Variants in APOLD1 observed in about 807,000 individuals in gnomAD.
APOLD1 encodes apolipoprotein L domain-containing protein 1.
APOLD1 carries 22 observed loss-of-function variants against 15.3 expected under a neutral mutation model. The ratio of observed to expected loss-of-function variants is 1.44; its 90% confidence interval spans 1.03 to 2.05. The LOEUF (loss-of-function observed/expected upper bound fraction) is 2.05, where lower values mean the gene tolerates loss of function less well. Among genes scored for constraint, APOLD1 ranks in the 30% most tolerant of loss-of-function variants. APOLD1 has a pLI of 0.00. For missense variants in APOLD1, 394 were observed against 353.5 expected (o/e 1.11, Z -0.92); for synonymous variants, 190 against 167.4 (o/e 1.13, Z -1.04).
intron 1 of APOLD1, among the ~76,000 whole-genome samples, chr12:12,730,224 A>G (rs1946628017): frequency 6.6e-6 from 1 of 152,016 alleles, no homozygotes; most frequent in African/African-American, 2.4e-5. Context: ...CACTGGAAAA[A>G]TTTAAAGTTC....
intron 1 of APOLD1, among the ~76,000 whole-genome samples, chr12:12,726,756 G>T (rs1321413137): frequency 6.6e-6 from 1 of 152,022 alleles, no homozygotes; most frequent in Non-Finnish European, 1.5e-5. Context: ...GTCCATGAAA[G>T]ACCATAAACC....
intron 1 of APOLD1, chr12:12,764,578 C>T: frequency 3.2e-6 from 1 of 308,058 alleles, no homozygotes; most frequent in Non-Finnish European, 6.6e-6. Context: ...TTATTTCTAA[C>T]TTTCTATATT....
chr12:12,786,881 G>A, intron 1 of APOLD1, 28 bp from the exon 2 acceptor site: 1 of 1,403,810 alleles, frequency 7.1e-7, no homozygotes, highest in Non-Finnish European at 9.2e-7. Context: ...GGAGACTCCA[G>A]GCTGACCGCG....
chr12:12,725,981 G>A, exon 1 of APOLD1: 2 of 1,488,158 alleles, frequency 1.3e-6, no homozygotes, highest in Admixed American at 2.4e-5. Flanking sequence ...GGACAGAGAT[G>A]TAACCCAACT....
intron 1 of APOLD1, chr12:12,726,179 A>AC (rs1244618842): frequency 1.1e-6 from 1 of 889,482 alleles, no homozygotes; most frequent in African/African-American, 1.8e-5. Context: ...AAAAAAAAAA[A>AC]AGAGGAAATA....
chr12:12,741,326 C>G (rs1377235830), intron 1 of APOLD1, among the ~76,000 whole-genome samples: 2 of 152,218 alleles, frequency 1.3e-5, no homozygotes, highest in African/African-American at 4.8e-5. Context: ...CCCATTTCAG[C>G]CTCCTGAGTA....
intron 1 of APOLD1, among the ~76,000 whole-genome samples, chr12:12,761,967 C>G (rs1450256839): frequency 6.6e-6 from 1 of 151,888 alleles, no homozygotes; most frequent in African/African-American, 2.4e-5. Context: ...TCCCAAGTAG[C>G]TGGGACTACA....
intron 1 of APOLD1, among the ~76,000 whole-genome samples, chr12:12,755,194 C>A (rs1007985126): frequency 5.3e-5 from 8 of 152,114 alleles, no homozygotes. Context: ...ACACTCCATA[C>A]CTGTAGGAAA....
At chr12:12,744,073 T>C (rs1946747519) in intron 1 of APOLD1, among the ~76,000 whole-genome samples, 1 of 152,142 alleles carries the variant, frequency 6.6e-6, no homozygotes, top group South Asian at 2.1e-4. Flanking sequence ...CCCAACACTT[T>C]GGGAGGCTGA....
chr12:12,782,548 T>C (rs1279701268), upstream of APOLD1, among the ~76,000 whole-genome samples: 3 of 152,182 alleles, frequency 2.0e-5, no homozygotes, highest in Non-Finnish European at 2.9e-5. Context: ...ACAACTTGTC[T>C]CTACAAAAAG....
chr12:12,782,505 G>A (rs993614057), upstream of APOLD1, among the ~76,000 whole-genome samples: 3 of 152,084 alleles, frequency 2.0e-5, no homozygotes, highest in African/African-American at 7.2e-5. Context: ...AGCTAATGCC[G>A]CGGTTCAGCT....
At chr12:12,751,113 G>C (rs1946809580) in intron 1 of APOLD1, among the ~76,000 whole-genome samples, 1 of 151,784 alleles carries the variant, frequency 6.6e-6, no homozygotes. Flanking sequence ...GTGTTATAGT[G>C]AACTATTTTG....
chr12:12,758,480 G>A (rs921651884), intron 1 of APOLD1, among the ~76,000 whole-genome samples: 4 of 152,038 alleles, frequency 2.6e-5, no homozygotes, highest in South Asian at 2.1e-4. Context: ...GGGAGGCGGA[G>A]GTTGCAGTGA....
intron 1 of APOLD1, among the ~76,000 whole-genome samples, chr12:12,731,003 T>C (rs1305950029): frequency 1.3e-5 from 2 of 151,854 alleles, no homozygotes; most frequent in East Asian, 1.9e-4. Flanking sequence ...TAGCCGGGCG[T>C]GGTGGCGGGC....
At chr12:12,764,978 G>C (rs1162100252) in intron 1 of APOLD1, among the ~76,000 whole-genome samples, 1 of 152,118 alleles carries the variant, frequency 6.6e-6, no homozygotes, top group Non-Finnish European at 1.5e-5. Flanking sequence ...AGGGATCAGG[G>C]CTTCTCCCAT....
In APOLD1 at chr12:12,791,371, G is replaced by T. The variant is rs1347725568; in HGVS notation, c.*3719G>T. On this transcript the variant is annotated 3_prime_UTR_variant, in exon 2 of 2. Transcript: ENST00000356591. ...AAGACATCGTGCAGAGATAAATGGG[G>T]ATACAGTTAAATGTAGCAACTCTTG... is the stretch of plus-strand genomic sequence containing the variant. 1 of 152,174 alleles carries T rather than the reference G, an allele frequency of 6.6e-6. No homozygotes were observed. The highest frequency in any genetic ancestry group is 1.5e-5 in the Non-Finnish European group (1 of 68,036). The allele number at this position is 152,174 out of a possible 1,614,324, so 9.4% of individuals were successfully genotyped here. A position where few individuals can be genotyped will look rare whatever the true frequency, so the allele number is the denominator to read the frequency against.
At chr12:12,781,166 G>GCCTATAA (rs1947076746), upstream of APOLD1, among the ~76,000 whole-genome samples, 1 of 152,178 alleles carries the variant, frequency 6.6e-6, no homozygotes, top group South Asian at 2.1e-4. Context: ...TGAGAGGCTA[G>GCCTATAA]GCACTGTGGC....
intron 1 of APOLD1, among the ~76,000 whole-genome samples, chr12:12,730,024 CTTTGTGTGTGTG>C: frequency 9.8e-6 from 1 of 101,736 alleles, no homozygotes; most frequent in South Asian, 4.0e-4. Flanking sequence ...GCCCAGCTAA[CTTTGTGTGTGTG>C]TGTGTGTGTG....
chr12:12,767,240 C>T (rs958208578), intron 1 of APOLD1, among the ~76,000 whole-genome samples: 4 of 151,360 alleles, frequency 2.6e-5, no homozygotes, highest in Admixed American at 1.3e-4. Flanking sequence ...AGCAAGATTC[C>T]GTCTCCACAA....
Sources: allele counts gnomAD v4.1 joint callset (sites outside exome capture counted in the v4.1 genomes callset), GRCh38; gene constraint gnomAD v4.1.1; transcripts MANE v1.5; gene names NCBI Gene and HGNC (gene_info 2026-07-23, HGNC 2026-07-21).